XRN2: variants seen among roughly 807,000 people sequenced by gnomAD.
The protein encoded by XRN2 is 5'-3' exoribonuclease 2.
In XRN2, 44 loss-of-function variants were observed where a neutral mutation model predicts 138.5. That is an observed-to-expected ratio of 0.32 (90% CI 0.25 to 0.41). The LOEUF (loss-of-function observed/expected upper bound fraction) is 0.41, where lower values mean the gene tolerates loss of function less well. Ranked by LOEUF, XRN2 falls within the 10% of genes least tolerant of loss-of-function variation. The pLI, the probability that XRN2 is intolerant of heterozygous loss-of-function variation, is 1.00. For missense variants in XRN2, 937 were observed against 1,169.3 expected, an observed-to-expected ratio of 0.80 and a Z score of 2.90; for synonymous variants, 354 against 369.4, an observed-to-expected ratio of 0.96 and a Z score of 0.48.
At chr20:21,305,427 T>A (rs983594579) in intron 1 of XRN2, among the ~76,000 whole-genome samples, 1 of 151,112 alleles carries the variant, frequency 6.6e-6, no homozygotes, top group Non-Finnish European at 1.5e-5. Context: ...CCCAGCTGAT[T>A]TTTTTTTAGT....
intron 27 of XRN2, among the ~76,000 whole-genome samples, chr20:21,374,389 C>T (rs2038795740): frequency 6.6e-6 from 1 of 152,042 alleles, no homozygotes; most frequent in African/African-American, 2.4e-5. Flanking sequence ...ATATTTCATT[C>T]CCAATCAGTT....
intron 1 of XRN2, among the ~76,000 whole-genome samples, chr20:21,311,429 T>C (rs1010915456): frequency 6.6e-6 from 1 of 152,206 alleles, no homozygotes; most frequent in East Asian, 1.9e-4. Context: ...TTTTTAAAGC[T>C]GAATGATACT....
intron 4 of XRN2, among the ~76,000 whole-genome samples, chr20:21,329,856 GGTGTGTGTGT>G (rs60020864): frequency 1.8e-3 from 261 of 146,000 alleles, no homozygotes; most frequent in East Asian, 5.4e-3. Context: ...GCCTCTAACT[GGTGTGTGTGT>G]GTGTGTGTGT....
At position 21,377,264 on chromosome 20, in the gene XRN2, C is replaced by CTTTTTTT. The variant is rs761622310; in HGVS notation, c.2585-4722_2585-4716dup. Among the ~76,000 whole-genome samples, 38 of 82,792 alleles carry CTTTTTTT rather than the reference C, an allele frequency of 4.6e-4. 6 individuals are homozygous for CTTTTTTT. Among genetic ancestry groups the CTTTTTTT allele is most frequent in the South Asian group, 1.5e-3 (3 of 1,990 alleles). The allele number at this position is 82,792 out of a possible 152,430, so 54.3% of individuals were successfully genotyped here. ...CCAACATATGATTTGTCGGTTTTTT[C>CTTTTTTT]TTTTTTTTTTTTTTGGTCAGTCTTG... On this transcript the variant is annotated intron_variant, in intron 27 of 29. Transcript: ENST00000377191.
chr20:21,343,731 A>G (rs1358689579), intron 15 of XRN2, among the ~76,000 whole-genome samples: 1 of 151,920 alleles, frequency 6.6e-6, no homozygotes, highest in Non-Finnish European at 1.5e-5. Flanking sequence ...AGGAATTGTT[A>G]CAACTGATTG....
rs542026574 is a variant in XRN2, at chr20:21,360,340, CTTCCT to C, written c.2255+2552_2255+2556del. Among the ~76,000 whole-genome samples the C allele has an allele frequency of 5.3e-5, 8 of 152,246 alleles. No individual in the cohort carries two copies. The South Asian group carries it at 1.7e-3, about 32-fold the overall frequency. On this transcript the variant is annotated intron_variant, in intron 24 of 29. Coordinates refer to ENST00000377191, the MANE Select transcript of XRN2 (RefSeq NM_012255.5). Reference sequence around the variant, plus strand: ...TCTTCCTCCTGTTGTTTGGAGTGCTCTTCCTTTCTTTTCTCCACCTGCCCCATAGC... The same window carrying C: ...TCTTCCTCCTGTTGTTTGGAGTGCTCTTCTTTTCTCCACCTGCCCCATAGC...
At chr20:21,355,804 A>G (rs1301488277) in intron 21 of XRN2, among the ~76,000 whole-genome samples, 3 of 152,164 alleles carry the variant, frequency 2.0e-5, no homozygotes, top group Non-Finnish European at 4.4e-5. Flanking sequence ...GGTAATTGGG[A>G]TATCCATCAC....
chr20:21,371,398 C>T (rs943861583), intron 27 of XRN2, among the ~76,000 whole-genome samples: 2 of 152,176 alleles, frequency 1.3e-5, no homozygotes, highest in Non-Finnish European at 2.9e-5. Context: ...CTCTATCATG[C>T]AAACTATGGA....
At position 21,305,628 on chromosome 20, in the gene XRN2, C is replaced by CCTGA. The variant is rs373201221; in HGVS notation, c.75+2157_75+2160dup. On this transcript the variant is annotated intron_variant, in intron 1 of 29. Coordinates refer to ENST00000377191, the MANE Select transcript of XRN2 (RefSeq NM_012255.5). Reference sequence around the variant, plus strand: ...CCATGTTGGCTATGCTGGTCTCTGTCCTGACCACACGTGATCCGCCTCCCT... The same window carrying CCTGA: ...CCATGTTGGCTATGCTGGTCTCTGTCCTGACTGACCACACGTGATCCGCCTCCCT... 4.7e-3 allele frequency among the ~76,000 whole-genome samples: 279 copies of CCTGA among 59,422 alleles called. 76 individuals carry two copies. Among genetic ancestry groups the CCTGA allele is most frequent in the African/African-American group, 0.012 (270 of 21,672 alleles). 39.0% of individuals were successfully genotyped at this position (59,422 alleles called of 152,430 possible). A position where few individuals can be genotyped will look rare whatever the true frequency, so the allele number is the denominator to read the frequency against.
intron 13 of XRN2, among the ~76,000 whole-genome samples, chr20:21,336,564 G>A (rs1278839000): frequency 6.6e-6 from 1 of 152,180 alleles, no homozygotes; most frequent in East Asian, 1.9e-4. Context: ...TGGGAATGTT[G>A]TTCATTTATT....
chr20:21,347,960 T>C (rs1371578648), intron 17 of XRN2, among the ~76,000 whole-genome samples, 186 bp from the exon 18 acceptor site: 2 of 152,222 alleles, frequency 1.3e-5, no homozygotes, highest in African/African-American at 4.8e-5. Context: ...TGATATGAAT[T>C]AGAAACTTCA....
rs551756307 is a variant in XRN2 at position 21,307,462 on chromosome 20, A to G, written c.75+3989A>G. 1.3e-3 allele frequency among the ~76,000 whole-genome samples: 100 copies of G among 75,636 alleles called. 29 individuals carry two copies. Among genetic ancestry groups the G allele is most frequent in the African/African-American group, 3.5e-3 (97 of 27,622 alleles). 49.6% of individuals were successfully genotyped at this position (75,636 alleles called of 152,430 possible). On this transcript the variant is annotated intron_variant, in intron 1 of 29. Transcript: ENST00000377191. ...CTGGCTTTCCTTGAAACCTCCCCCA[A>G]CCTTTGGTGTTTTTGCAGCTTTGTT...
At chr20:21,327,711 CAT>C (rs1568573143) in intron 3 of XRN2, among the ~76,000 whole-genome samples, 1 of 152,160 alleles carries the variant, frequency 6.6e-6, no homozygotes, top group African/African-American at 2.4e-5. Context: ...TTTATACACA[CAT>C]TTTTTTGTTT....
chr20:21,384,014 TTTG>T (rs1165020461), intron 28 of XRN2, among the ~76,000 whole-genome samples: 1 of 152,226 alleles, frequency 6.6e-6, no homozygotes, highest in Non-Finnish European at 1.5e-5. Flanking sequence ...GACGCTACTG[TTTG>T]TTGAGAATCC....
Position 21,348,265 on chromosome 20 carries a change from T to C in XRN2, c.1773+12T>C. The stretch of plus-strand genomic sequence containing the variant: ...AGGGTACGAAACCGGTAAGCTTAAT[T>C]ACTTAAAGTCATAAAGTTTATAGAA... On this transcript the variant is annotated intron_variant, in intron 18 of 29. Transcript: ENST00000377191. 1 of 1,612,716 alleles carries C rather than the reference T, an allele frequency of 6.2e-7. No homozygotes were observed. Among genetic ancestry groups the C allele is most frequent in the Non-Finnish European group, 8.5e-7 (1 of 1,179,388 alleles).
At chr20:21,381,848 TGTG>T (rs2038888732) in intron 27 of XRN2, 143 bp from the exon 28 acceptor site, 1 of 561,270 alleles carries the variant, frequency 1.8e-6, no homozygotes, top group Non-Finnish European at 2.9e-6. Context: ...TTTTTACATT[TGTG>T]GTGTGTGTTA....
intron 1 of XRN2, among the ~76,000 whole-genome samples, chr20:21,314,140 A>G (rs1269364321): frequency 6.6e-6 from 1 of 152,188 alleles, no homozygotes; most frequent in African/African-American, 2.4e-5. Flanking sequence ...TTATGTCTAT[A>G]TAGATTTTTC....
intron 24 of XRN2, among the ~76,000 whole-genome samples, chr20:21,358,583 C>T (rs2038601675): frequency 6.6e-6 from 1 of 152,118 alleles, no homozygotes; most frequent in East Asian, 1.9e-4. Context: ...CTCTCCCCCT[C>T]AGGAAATATT....
chr20:21,381,011 A>G (rs2038876923), intron 27 of XRN2, among the ~76,000 whole-genome samples: 1 of 152,246 alleles, frequency 6.6e-6, no homozygotes, highest in Non-Finnish European at 1.5e-5. Flanking sequence ...CTTTTAAAGC[A>G]TGATTCTACT....
Sources: gnomAD v4.1 joint callset for allele counts (sites outside exome capture counted in the v4.1 genomes callset) on GRCh38, gnomAD v4.1.1 for gene constraint, MANE v1.5 for transcripts, NCBI Gene and HGNC (gene_info 2026-07-23, HGNC 2026-07-21) for gene names.